Variants in APELA observed in about 807,000 individuals in gnomAD.
APELA encodes the protein protein Elabela.
intron 1 of APELA, among the ~76,000 whole-genome samples, chr4:164,878,133 T>A (rs1730588640): frequency 8.6e-6 from 1 of 116,264 alleles, no homozygotes; most frequent in Non-Finnish European, 1.8e-5. Context: ...ACCAGTAAGT[T>A]TGAAAAAAAA....
intron 2 of APELA, among the ~76,000 whole-genome samples, chr4:164,891,052 C>CT (rs1730872865): frequency 6.6e-6 from 1 of 152,072 alleles, no homozygotes; most frequent in African/African-American, 2.4e-5. Flanking sequence ...ATCCTTTGCC[C>CT]ATTTTTCAGT....
intron 2 of APELA, among the ~76,000 whole-genome samples, chr4:164,887,717 T>C (rs1730800704): frequency 2.0e-5 from 3 of 152,006 alleles, no homozygotes; most frequent in African/African-American, 7.3e-5. Flanking sequence ...GTTTAAGCGA[T>C]TCTCCTGCCT....
In APELA at chr4:164,877,601, T is replaced by G. The variant is rs139547223; in HGVS notation, c.76+194T>G. Among the ~76,000 whole-genome samples the G allele has an allele frequency of 7.4e-4, 112 of 152,326 alleles. 1 individual carries two copies. Among genetic ancestry groups the G allele is most frequent in the African/African-American group, 2.5e-3 (106 of 41,572 alleles). ...ATTATTTCAATATTTTAAAAACATC[T>G]GGACTTTGAAATGATAAGTATTTTA... On this transcript the variant is annotated intron_variant, in intron 1 of 2. Coordinates refer to ENST00000507152, the MANE Select transcript of APELA (RefSeq NM_001297550.2).
chr4:164,884,906 A>G (rs1336066445), intron 2 of APELA, among the ~76,000 whole-genome samples: 1 of 151,848 alleles, frequency 6.6e-6, no homozygotes, highest in Non-Finnish European at 1.5e-5. Context: ...CTCTGATTTT[A>G]TTACCCCTAT....
At chr4:164,878,821 A>G in intron 1 of APELA, 99 bp from the exon 2 acceptor site, 1 of 397,810 alleles carries the variant, frequency 2.5e-6, no homozygotes. Flanking sequence ...GCAAATAACC[A>G]CAATCTAGTT....
At chr4:164,887,901 C>T (rs1730804278) in intron 2 of APELA, among the ~76,000 whole-genome samples, 1 of 152,278 alleles carries the variant, frequency 6.6e-6, no homozygotes, top group East Asian at 1.9e-4. Flanking sequence ...CTTGAGCCAC[C>T]GTGCCCAGTC....
chr4:164,883,490 CT>C (rs397945999), intron 2 of APELA, among the ~76,000 whole-genome samples: 53 of 140,846 alleles, frequency 3.8e-4, no homozygotes, highest in Middle Eastern at 3.8e-3. Flanking sequence ...CTTTCTTTTT[CT>C]TTTTTTTTTT....
chr4:164,889,768 G>A (rs1389188582), intron 2 of APELA, among the ~76,000 whole-genome samples: 2 of 151,620 alleles, frequency 1.3e-5, no homozygotes, highest in Non-Finnish European at 2.9e-5. Flanking sequence ...AAAATATTCA[G>A]GAAAAAAAAC....
At chr4:164,890,581 T>C (rs13144179) in intron 2 of APELA, among the ~76,000 whole-genome samples, 40,351 of 152,176 alleles carry the variant, frequency 0.27, 6,878 homozygotes, top group African/African-American at 0.49. Context: ...TACTCCACTC[T>C]AATTTACGAC....
chr4:164,885,946 T>C (rs984187623), intron 2 of APELA, among the ~76,000 whole-genome samples: 1 of 152,144 alleles, frequency 6.6e-6, no homozygotes, highest in Non-Finnish European at 1.5e-5. Context: ...CCAAACTCTC[T>C]CCCTCCTTGA....
chr4:164,879,593 C>A (rs529941500), intron 2 of APELA, among the ~76,000 whole-genome samples: 1 of 152,060 alleles, frequency 6.6e-6, no homozygotes, highest in African/African-American at 2.4e-5. Context: ...TACAGGCATG[C>A]GCCACCACTC....
chr4:164,889,064 C>T (rs1198419818), intron 2 of APELA, among the ~76,000 whole-genome samples: 2 of 151,820 alleles, frequency 1.3e-5, no homozygotes, highest in African/African-American at 2.4e-5. Flanking sequence ...AGTGCAATGA[C>T]GTGATCTCGC....
At chr4:164,879,468 A>C (rs1730617806) in intron 2 of APELA, among the ~76,000 whole-genome samples, 2 of 151,102 alleles carry the variant, frequency 1.3e-5, no homozygotes, top group African/African-American at 4.9e-5. Flanking sequence ...CCTCTCCCCC[A>C]GGGTCTTGCT....
intron 2 of APELA, among the ~76,000 whole-genome samples, chr4:164,882,006 C>T (rs1730662138): frequency 6.6e-6 from 1 of 152,070 alleles, no homozygotes; most frequent in South Asian, 2.1e-4. Context: ...ATTATGCACT[C>T]CAGCCTAGAC....
chr4:164,879,496 G>A (rs1230536357), intron 2 of APELA, among the ~76,000 whole-genome samples: 1 of 152,106 alleles, frequency 6.6e-6, no homozygotes, highest in Non-Finnish European at 1.5e-5. Context: ...CCAGGCTGGA[G>A]TGTAATGATG....
chr4:164,883,412 A>C (rs1305724921), intron 2 of APELA, among the ~76,000 whole-genome samples: 2 of 152,104 alleles, frequency 1.3e-5, no homozygotes, highest in African/African-American at 4.8e-5. Flanking sequence ...TAAGCCTCAA[A>C]ATCCAACCTC....
Position 164,880,781 on chromosome 4 carries a change from T to C in APELA, c.*1+1772T>C, listed in dbSNP as rs373255226. Reference sequence around the variant, plus strand: ...AACCAGTGTTACAAGTAAGCATGAATAGTGAAATTTGAATTTTTAAAGTTG... The same window carrying C: ...AACCAGTGTTACAAGTAAGCATGAACAGTGAAATTTGAATTTTTAAAGTTG... On this transcript the variant is annotated intron_variant, in intron 2 of 2. Coordinates refer to ENST00000507152, the MANE Select transcript of APELA (RefSeq NM_001297550.2). 8.9e-4 allele frequency among the ~76,000 whole-genome samples: 135 copies of C among 152,334 alleles called. 1 individual carries two copies. The South Asian group carries it at 0.024, about 27-fold the overall frequency.
chr4:164,883,350 C>T (rs1336389223), intron 2 of APELA, among the ~76,000 whole-genome samples: 2 of 152,142 alleles, frequency 1.3e-5, no homozygotes, highest in East Asian at 3.9e-4. Context: ...TCTCCTCTTC[C>T]AACTCACAGC....
intron 2 of APELA, among the ~76,000 whole-genome samples, chr4:164,895,068 G>A (rs963598082): frequency 3.3e-5 from 5 of 152,114 alleles, no homozygotes; most frequent in Non-Finnish European, 2.9e-5. Flanking sequence ...CACCAGTGGC[G>A]CACACCTGTA....
Sources: allele counts gnomAD v4.1 joint callset (sites outside exome capture counted in the v4.1 genomes callset), GRCh38; gene constraint gnomAD v4.1.1; transcripts MANE v1.5; gene names NCBI Gene and HGNC (gene_info 2026-07-23, HGNC 2026-07-21).